The following C11orf65 variants were observed in gnomAD, a reference collection of about 807,000 sequenced individuals.
The protein encoded by C11orf65 is chromosome 11 open reading frame 65, also known as protein MFI.
A neutral mutation model predicts 35.3 loss-of-function variants in C11orf65; 38 were observed. That is an observed-to-expected ratio of 1.08 (90% CI 0.83 to 1.41). The LOEUF is 1.41. Ranked by LOEUF, C11orf65 falls within the 40% of genes most tolerant of loss-of-function variation. The pLI is 0.00. For synonymous variants in C11orf65, 105 were observed against 114.4 expected (o/e 0.92, Z 0.53); for missense variants, 370 against 367.1 (o/e 1.01, Z -0.06).
downstream of C11orf65, chr11:108,331,171 T>A (rs967078637): frequency 1.8e-6 from 2 of 1,128,102 alleles, no homozygotes; most frequent in African/African-American, 1.6e-5. Flanking sequence ...CTTCCTTAGA[T>A]TTTTTGGAAT....
chr11:108,406,625 G>T, intron 5 of C11orf65, 138 bp downstream of exon 5: 1 of 529,702 alleles, frequency 1.9e-6, no homozygotes, highest in Non-Finnish European at 3.2e-6. Flanking sequence ...CAACCCCTGA[G>T]TAGCTAACTT....
At chr11:108,362,824 A>G (rs2090937611) in intron 2 of C11orf65, among the ~76,000 whole-genome samples, 1 of 147,750 alleles carries the variant, frequency 6.8e-6, no homozygotes, top group African/African-American at 2.5e-5. Context: ...GGGGAGGGAT[A>G]GCATTGGGAG....
At chr11:108,363,051 C>G (rs1021950137) in intron 2 of C11orf65, among the ~76,000 whole-genome samples, 3 of 152,154 alleles carry the variant, frequency 2.0e-5, no homozygotes, top group Non-Finnish European at 2.9e-5. Context: ...ATCTTCCCTC[C>G]GTAAATCTGT....
At chr11:108,379,623 T>A (rs891340511), downstream of C11orf65, among the ~76,000 whole-genome samples, 1 of 151,358 alleles carries the variant, frequency 6.6e-6, no homozygotes, top group Non-Finnish European at 1.5e-5. Context: ...ACTTAAAGTA[T>A]AATAATAATA....
chr11:108,455,082 G>A (rs897844687), intron 2 of C11orf65, among the ~76,000 whole-genome samples: 18 of 152,150 alleles, frequency 1.2e-4, no homozygotes, highest in African/African-American at 4.1e-4. Flanking sequence ...CATTTTGTTT[G>A]TCTCAATATA....
At chr11:108,362,600 C>G (rs1258662310) in intron 2 of C11orf65, among the ~76,000 whole-genome samples, 1 of 149,366 alleles carries the variant, frequency 6.7e-6, no homozygotes, top group Non-Finnish European at 1.5e-5. Context: ...ACATATACAC[C>G]ATGGAATACT....
At chr11:108,387,148 C>CTTTTTTTTTTTTTTTTTTT (rs1175890979) in intron 7 of C11orf65, among the ~76,000 whole-genome samples, 9 of 84,386 alleles carry the variant, frequency 1.1e-4, no homozygotes, top group East Asian at 3.9e-4. Flanking sequence ...TTCTTTCTTT[C>CTTTTTTTTTTTTTTTTTTT]TTTTTTTTTT....
intron 6 of C11orf65, among the ~76,000 whole-genome samples, chr11:108,318,547 G>A (rs980667699): frequency 6.6e-6 from 1 of 151,456 alleles, no homozygotes; most frequent in African/African-American, 2.4e-5. Flanking sequence ...AAAATTAGCT[G>A]GGTGTGCTGG....
intron 7 of C11orf65, among the ~76,000 whole-genome samples, chr11:108,387,080 AAAG>A: frequency 6.6e-6 from 1 of 151,966 alleles, no homozygotes; most frequent in East Asian, 1.9e-4. Flanking sequence ...AGATCTCAAA[AAAG>A]AAAAAAAAAA....
intron 3 of C11orf65, among the ~76,000 whole-genome samples, chr11:108,413,669 T>C (rs2092690807): frequency 6.6e-6 from 1 of 152,172 alleles, no homozygotes; most frequent in Non-Finnish European, 1.5e-5. Flanking sequence ...ATTTGTCATA[T>C]ATGGGCCTAT....
chr11:108,442,736 G>A (rs1419258571), intron 2 of C11orf65, among the ~76,000 whole-genome samples: 1 of 152,128 alleles, frequency 6.6e-6, no homozygotes, highest in African/African-American at 2.4e-5. Flanking sequence ...AGCTTCATCA[G>A]TGAAGGAAAA....
Position 108,382,891 on chromosome 11 carries a change from A to G in C11orf65, c.*130T>C. 6.5e-7 allele frequency: 1 copy of G among 1,532,616 alleles called. No homozygotes were observed. Among genetic ancestry groups the G allele is most frequent in the African/African-American group, 1.4e-5 (1 of 71,522 alleles). 94.9% of individuals were successfully genotyped at this position (1,532,616 alleles called of 1,614,324 possible). ...GTTCTATTTCTGCTCAATCTTCCTT[A>G]CTTAACTGAGCTAGATTCTGTGCCC... On this transcript the variant is annotated 3_prime_UTR_variant, in exon 9 of 9. Transcript: ENST00000393084.
intron 2 of C11orf65, among the ~76,000 whole-genome samples, chr11:108,373,974 G>A (rs994975755): frequency 3.3e-4 from 50 of 152,238 alleles, no homozygotes; most frequent in African/African-American, 1.2e-3. Flanking sequence ...GGCTGGCGGA[G>A]GGGCACCCGC....
intron 3 of C11orf65, among the ~76,000 whole-genome samples, chr11:108,419,929 A>G (rs1374848196): frequency 1.3e-5 from 2 of 152,226 alleles, no homozygotes; most frequent in Non-Finnish European, 2.9e-5. Context: ...AAAAAGAAAT[A>G]AAATGTATCA....
chr11:108,354,785 C>G (rs373681524), intron 2 of C11orf65: 1 of 1,598,498 alleles, frequency 6.3e-7, no homozygotes, highest in Admixed American at 1.7e-5. Flanking sequence ...TAACAAAATC[C>G]GTATTTATAA....
intron 2 of C11orf65, chr11:108,347,176 CTT>C: frequency 2.1e-6 from 2 of 933,218 alleles, no homozygotes; most frequent in East Asian, 4.9e-5. Flanking sequence ...TCCTAAACTA[CTT>C]AAAGATTATA....
intron 2 of C11orf65, among the ~76,000 whole-genome samples, chr11:108,460,754 C>T (rs28491848): frequency 0.45 from 61,864 of 138,436 alleles, 13,009 homozygotes; most frequent in Middle Eastern, 0.68. Context: ...GTTGTTGTTG[C>T]TGCTGCTGCT....
chr11:108,322,754 T>C (rs2085327782), intron 6 of C11orf65, among the ~76,000 whole-genome samples: 1 of 152,136 alleles, frequency 6.6e-6, no homozygotes, highest in Non-Finnish European at 1.5e-5. Context: ...TAAAAGTGCT[T>C]TTCTCTTTAT....
At chr11:108,368,765 C>A (rs1224565244) in intron 2 of C11orf65, 1 of 211,170 alleles carries the variant, frequency 4.7e-6, no homozygotes, top group East Asian at 7.1e-5. Context: ...CATACCTCCC[C>A]AAAGTGTTTA....
Sources: gnomAD v4.1 joint callset for allele counts (sites outside exome capture counted in the v4.1 genomes callset) on GRCh38, gnomAD v4.1.1 for gene constraint, MANE v1.5 for transcripts, NCBI Gene and HGNC (gene_info 2026-07-23, HGNC 2026-07-21) for gene names.